Variants in EPHA6 observed in about 807,000 individuals in gnomAD.
EPHA6 encodes ephrin type-A receptor 6.
Under a neutral mutation model 112.0 loss-of-function variants are expected in EPHA6, and 50 were observed. The observed-to-expected ratio is 0.45, with a 90% CI of 0.36 to 0.56. The LOEUF (loss-of-function observed/expected upper bound fraction) is 0.56, where lower values mean the gene tolerates loss of function less well. EPHA6 is among the 20% of genes least tolerant of loss of function. EPHA6 has a pLI of 0.00. For synonymous variants in EPHA6, 529 were observed against 490.7 expected (o/e 1.08, Z -1.03); for missense variants, 1,280 against 1,417.4 (o/e 0.90, Z 1.56).
chr3:96,952,478 G>T (rs2041586338), intron 2 of EPHA6, among the ~76,000 whole-genome samples: 1 of 152,088 alleles, frequency 6.6e-6, no homozygotes, highest in Non-Finnish European at 1.5e-5. Flanking sequence ...AAGAGGTTTG[G>T]CCCTCTTCGT....
intron 13 of EPHA6, among the ~76,000 whole-genome samples, chr3:97,615,457 G>A (rs1394041140): frequency 2.0e-5 from 3 of 152,148 alleles, no homozygotes; most frequent in Non-Finnish European, 2.9e-5. Flanking sequence ...TGAATCCAGG[G>A]GGCAGAGCAG....
intron 5 of EPHA6, among the ~76,000 whole-genome samples, chr3:97,266,775 G>A (rs779653359): frequency 1.9e-4 from 27 of 142,754 alleles, no homozygotes; most frequent in Non-Finnish European, 3.4e-4. Context: ...ACTAGTAAAG[G>A]ATGATACTAA....
At chr3:96,988,080 G>T in intron 3 of EPHA6, 87 bp downstream of exon 3, 1 of 1,027,782 alleles carries the variant, frequency 9.7e-7, no homozygotes, top group Non-Finnish European at 1.4e-6. Flanking sequence ...TAGTAATTGT[G>T]CATATTCATG....
intron 3 of EPHA6, among the ~76,000 whole-genome samples, chr3:97,115,805 G>T (rs1404641179): frequency 1.3e-5 from 2 of 151,782 alleles, no homozygotes; most frequent in Non-Finnish European, 2.9e-5. Context: ...AAGGCTTTTA[G>T]GATGTCGGAG....
intron 12 of EPHA6, among the ~76,000 whole-genome samples, chr3:97,596,615 C>T (rs1195575145): frequency 1.3e-5 from 2 of 151,516 alleles, no homozygotes; most frequent in Admixed American, 1.3e-4. Context: ...TTAGACCAAC[C>T]TATAAGATGT....
rs372288855 is a variant in EPHA6 at position 97,733,631 on chromosome 3, A to G, written c.2935-2294A>G. Among the ~76,000 whole-genome samples the G allele has an allele frequency of 9.2e-5, 14 of 152,204 alleles. No individual in the cohort carries two copies. In the South Asian group the frequency reaches 2.7e-3, roughly 29 times the overall value. ...GTATAATTCCTGCTTTCAGGTATGT[A>G]CAGCCTTAGAGGAAAGGCAGATGAA... On this transcript the variant is annotated intron_variant, in intron 15 of 17. Transcript: ENST00000389672.
chr3:97,355,292 T>C (rs772324643), intron 5 of EPHA6, among the ~76,000 whole-genome samples: 8 of 152,136 alleles, frequency 5.3e-5, no homozygotes, highest in Non-Finnish European at 1.0e-4. Context: ...CCATCAAATA[T>C]AATAATTACA....
At chr3:96,909,384 T>A (rs544335267) in intron 2 of EPHA6, among the ~76,000 whole-genome samples, 1 of 152,054 alleles carries the variant, frequency 6.6e-6, no homozygotes, top group African/African-American at 2.4e-5. Flanking sequence ...AAGAAAAATA[T>A]GTGAGTTACT....
At chr3:97,690,618 C>T (rs1016725527) in intron 14 of EPHA6, among the ~76,000 whole-genome samples, 8 of 152,120 alleles carry the variant, frequency 5.3e-5, no homozygotes, top group Non-Finnish European at 1.2e-4. Flanking sequence ...CAGGCTCACA[C>T]CACCATGCCT....
At chr3:97,594,025 C>T (rs1439417128) in intron 12 of EPHA6, among the ~76,000 whole-genome samples, 1 of 152,154 alleles carries the variant, frequency 6.6e-6, no homozygotes, top group Non-Finnish European at 1.5e-5. Context: ...ATAAGCCAAG[C>T]TCTCCGAGTT....
At chr3:97,330,071 G>T (rs1157755878) in intron 5 of EPHA6, among the ~76,000 whole-genome samples, 1 of 152,068 alleles carries the variant, frequency 6.6e-6, no homozygotes, top group Non-Finnish European at 1.5e-5. Flanking sequence ...TTATTAAATA[G>T]GGAATCCTTT....
rs922096237 is a variant in EPHA6, at chr3:97,009,239, C to T, written c.1114+21246C>T. 2.6e-5 allele frequency among the ~76,000 whole-genome samples: 4 copies of T among 152,160 alleles called. No homozygotes were observed. In the South Asian group the frequency reaches 6.2e-4, roughly 24 times the overall value. On this transcript the variant is annotated intron_variant, in intron 3 of 17. Transcript: ENST00000389672. ...GCTAAGTCTGCTGCTCTACAGAGAC[C>T]GTTGGCCACTCCTTCCCCTAGGGGC...
intron 11 of EPHA6, among the ~76,000 whole-genome samples, chr3:97,579,404 G>T (rs2093417043): frequency 6.6e-6 from 1 of 152,158 alleles, no homozygotes; most frequent in South Asian, 2.1e-4. Flanking sequence ...ACCTCTTAAT[G>T]ATTGAGATTG....
At chr3:97,481,978 A>G (rs767508851) in intron 9 of EPHA6, among the ~76,000 whole-genome samples, 13 of 152,222 alleles carry the variant, frequency 8.5e-5, no homozygotes, top group Non-Finnish European at 1.5e-4. Context: ...TGGGCCCAGC[A>G]TGAAGCGATG....
intron 3 of EPHA6, among the ~76,000 whole-genome samples, chr3:97,128,746 C>A (rs1378875055): frequency 6.6e-6 from 1 of 152,130 alleles, no homozygotes; most frequent in Non-Finnish European, 1.5e-5. Context: ...TCTCAAACTC[C>A]TGGCCTCAAG....
intron 3 of EPHA6, among the ~76,000 whole-genome samples, chr3:97,077,566 C>G (rs1336958331): frequency 6.6e-6 from 1 of 151,728 alleles, no homozygotes; most frequent in Non-Finnish European, 1.5e-5. Context: ...CTGACAGGCC[C>G]CAGTGTGTGA....
At chr3:97,244,728 C>T (rs1293802547) in intron 5 of EPHA6, 1 of 170,094 alleles carries the variant, frequency 5.9e-6, no homozygotes, top group Non-Finnish European at 1.2e-5. Context: ...TGAAAGCATT[C>T]CAACTAATAT....
chr3:97,504,172 G>A (rs953015614), intron 10 of EPHA6, among the ~76,000 whole-genome samples: 18 of 152,164 alleles, frequency 1.2e-4, no homozygotes, highest in Admixed American at 9.8e-4. Context: ...TAATACAATT[G>A]TTACAGTCTT....
intron 2 of EPHA6, among the ~76,000 whole-genome samples, chr3:96,936,189 T>G (rs935871917): frequency 3.9e-5 from 6 of 152,110 alleles, no homozygotes; most frequent in Non-Finnish European, 8.8e-5. Context: ...AAGATATTTT[T>G]GTATGGCAAT....
Sources: allele counts gnomAD v4.1 joint callset (sites outside exome capture counted in the v4.1 genomes callset), GRCh38; gene constraint gnomAD v4.1.1; transcripts MANE v1.5; gene names NCBI Gene and HGNC (gene_info 2026-07-23, HGNC 2026-07-21).